TWF2: variants seen among roughly 807,000 people sequenced by gnomAD.
TWF2 encodes the protein twinfilin-2.
A neutral mutation model predicts 45.1 loss-of-function variants in TWF2; 15 were observed. That is an observed-to-expected ratio of 0.33 (90% CI 0.22 to 0.51). TWF2 has a LOEUF of 0.51. Among genes scored for constraint, TWF2 ranks in the 20% least tolerant of loss-of-function variants. The probability of loss-of-function intolerance (pLI) is 0.97; values close to 1 mark genes in which losing one functional copy is unlikely to be tolerated. For missense variants in TWF2, 423 were observed against 469.1 expected (o/e 0.90, Z 0.91); for synonymous variants, 177 against 195.8 (o/e 0.90, Z 0.80).
intron 2 of TWF2, 28 bp downstream of exon 2, chr3:52,235,001 T>C: frequency 6.2e-7 from 1 of 1,611,796 alleles, no homozygotes; most frequent in South Asian, 1.1e-5. Flanking sequence ...CCCCCAAGCC[T>C]ATACCCTGGC....
intron 1 of TWF2, among the ~76,000 whole-genome samples, chr3:52,235,463 C>T (rs1411512075): frequency 6.6e-6 from 1 of 152,194 alleles, no homozygotes; most frequent in African/African-American, 2.4e-5. Flanking sequence ...CTGGCCTGGA[C>T]ACACTCAGCA....
chr3:52,230,914 C>A lies in TWF2; in HGVS notation c.565G>T (p.Ala189Ser). 1 of 1,608,416 alleles carries A rather than the reference C, an allele frequency of 6.2e-7. No homozygotes were observed. Among genetic ancestry groups the A allele is most frequent in the South Asian group, 1.1e-5 (1 of 90,324 alleles). The change falls in exon 6 of 9, where the codon GCA becomes TCA. Residue 189 changes from alanine to serine, a missense_variant. Physicochemically the swap from Ala to Ser is moderately conservative, Grantham distance 99. Coordinates refer to ENST00000305533, the MANE Select transcript of TWF2 (RefSeq NM_007284.4). ...ATTTTCTGCTTGAGCTGCTGGAGTG[C>A]CCGCTGGGCCTCAGGCTGCAGGGGG... ...AFPLQPEAQR[A>S]LQQLKQKMVN...
rs374922294 is a variant in TWF2 at position 52,229,818 on chromosome 3, A to G, written c.761-36T>C. 5.0e-5 allele frequency: 80 copies of G among 1,602,594 alleles called. No homozygotes were observed. In the African/African-American group the frequency reaches 9.9e-4, roughly 20 times the overall value. The stretch of plus-strand genomic sequence containing the variant: ...GCAGGAGGTGAGCCTGGGAGGCCTG[A>G]GAAACCTGCTGACCTTCGCACCCAG... On this transcript the variant is annotated intron_variant, in intron 7 of 8. Coordinates refer to ENST00000305533, the MANE Select transcript of TWF2 (RefSeq NM_007284.4).
At position 52,230,982 on chromosome 3, in the gene TWF2, ATC is replaced by A; in HGVS notation, c.495_496del (p.Glu165AspfsTer20). 2 of 1,605,676 alleles carry A rather than the reference ATC, an allele frequency of 1.2e-6. No homozygotes were observed. Among genetic ancestry groups the A allele is most frequent in the Non-Finnish European group, 1.7e-6 (2 of 1,176,272 alleles). On this transcript the variant is annotated frameshift_variant, in exon 6 of 9. Transcript: ENST00000305533. LOFTEE classifies it high-confidence loss of function. Reference sequence around the variant, plus strand: ...GGTCTGGTGCTTGCTTTCCACACTGATCTCTGTCTTCACCTGTGGGTAGGGGA... The same window carrying A: ...GGTCTGGTGCTTGCTTTCCACACTGATCTGTCTTCACCTGTGGGTAGGGGA...
chr3:52,235,138 G>A, intron 1 of TWF2, 32 bp from the exon 2 acceptor site: 5 of 1,607,620 alleles, frequency 3.1e-6, no homozygotes, highest in Non-Finnish European at 1.7e-6. Context: ...TGGGGGATGA[G>A]TGGGCAGAGT....
chr3:52,228,736 A>C lies in TWF2; in HGVS notation c.*298T>G. On this transcript the variant is annotated 3_prime_UTR_variant, in exon 9 of 9. Coordinates refer to ENST00000305533, the MANE Select transcript of TWF2 (RefSeq NM_007284.4). ...CCAAAGGTTTCTGGGCTGTGCTGGG[A>C]CCCTAGTCTCAGCTCCCCGGGAGGC... 1 of 441,576 alleles carries C rather than the reference A, an allele frequency of 2.3e-6. No homozygotes were observed. The highest frequency in any genetic ancestry group is 4.1e-6 in the Non-Finnish European group (1 of 245,132). The allele number at this position is 441,576 out of a possible 1,614,324, so 27.4% of individuals were successfully genotyped here.
At chr3:52,231,675 GCAGCAGGTGGCCCCCAC>G in intron 3 of TWF2, 136 bp from the exon 4 acceptor site, 2 of 1,052,766 alleles carry the variant, frequency 1.9e-6, no homozygotes, top group Non-Finnish European at 2.7e-6. Context: ...GGGCCAGGAC[GCAGCAGGTGGCCCCCAC>G]CAGCAGGGGG....
At chr3:52,238,899 T>C (rs1426307344) in intron 1 of TWF2, 93 bp downstream of exon 1, 1 of 1,333,998 alleles carries the variant, frequency 7.5e-7, no homozygotes, top group Non-Finnish European at 9.8e-7. Flanking sequence ...TTCTCCCGGC[T>C]GGTGTGGGGT....
intron 6 of TWF2, among the ~76,000 whole-genome samples, chr3:52,230,311 T>C (rs1309777773): frequency 6.6e-6 from 1 of 152,106 alleles, no homozygotes; most frequent in African/African-American, 2.4e-5. Context: ...CCACCAAGGG[T>C]AGTCAACGGT....
At position 52,228,928 on chromosome 3, in the gene TWF2, T is replaced by G; in HGVS notation, c.*106A>C. 2 of 1,505,690 alleles carry G rather than the reference T, an allele frequency of 1.3e-6. No individual in the cohort carries two copies. Among genetic ancestry groups the G allele is most frequent in the Non-Finnish European group, 1.8e-6 (2 of 1,124,242 alleles). 93.3% of individuals were successfully genotyped at this position (1,505,690 alleles called of 1,614,324 possible). ...AAGTGCGTTCAGCTGCCAGCCCTCC[T>G]GACCTCCCAGAAACACTTTCCTGGA... is the stretch of plus-strand genomic sequence containing the variant. On this transcript the variant is annotated 3_prime_UTR_variant, in exon 9 of 9. Transcript: ENST00000305533.
chr3:52,235,910 T>C (rs190841930), intron 1 of TWF2, among the ~76,000 whole-genome samples: 1 of 152,262 alleles, frequency 6.6e-6, no homozygotes, highest in Non-Finnish European at 1.5e-5. Flanking sequence ...CCAGCCCAGA[T>C]ACAGCCCTGT....
rs1699685346 is a variant in TWF2 at position 52,232,199 on chromosome 3, G to A, written c.104-77C>T. ...CGCTGCAGACCTCCAGCCTCGCCGTGGCTGCCCAGCTGGCTCAGAGCCGCC... is the reference window on the plus strand; with the variant it reads ...CGCTGCAGACCTCCAGCCTCGCCGTAGCTGCCCAGCTGGCTCAGAGCCGCC... On this transcript the variant is annotated intron_variant, in intron 2 of 8. Transcript: ENST00000305533. The A allele has an allele frequency of 1.3e-5, 18 of 1,437,762 alleles. 1 individual carries two copies. Among genetic ancestry groups the A allele is most frequent in the Middle Eastern group, 5.0e-4 (2 of 4,014 alleles). The allele number at this position is 1,437,762 out of a possible 1,614,324, so 89.1% of individuals were successfully genotyped here. A position where few individuals can be genotyped will look rare whatever the true frequency, so the allele number is the denominator to read the frequency against.
rs142016683 is a variant in TWF2, at chr3:52,229,064, G to A, written c.1020C>T (p.Arg340=). ...TGTCATCCCCATTTTCACCCGGGCC[G>A]CGGATGAGGCGCTTATGGCCCCGCT... ...GGKRGHKRLI[R]GPGENGDDS is the part of the protein sequence containing the mutation. The change falls in exon 9 of 9, where the codon CGC becomes CGT. Residue 340 remains arginine, a synonymous_variant. Transcript: ENST00000305533. 1.4e-5 allele frequency: 23 copies of A among 1,612,364 alleles called. No homozygotes were observed. In the East Asian group the frequency reaches 1.6e-4, roughly 11 times the overall value.
intron 1 of TWF2, among the ~76,000 whole-genome samples, chr3:52,238,291 A>G: frequency 6.6e-6 from 1 of 152,228 alleles, no homozygotes; most frequent in African/African-American, 2.4e-5. Flanking sequence ...GGGAGGTCAG[A>G]GGTCAAGGTC....
chr3:52,237,487 TA>T (rs1055014990), intron 1 of TWF2, among the ~76,000 whole-genome samples: 8 of 152,082 alleles, frequency 5.3e-5, no homozygotes, highest in South Asian at 2.1e-4. Context: ...GAAGGAGGGC[TA>T]GGGGCAGCCC....
Position 52,228,894 on chromosome 3 carries a change from G to A in TWF2, c.*140C>T, listed in dbSNP as rs916902622. On this transcript the variant is annotated 3_prime_UTR_variant, in exon 9 of 9. Transcript: ENST00000305533. ...ACAAAATGCCAGCCCGGTGGCCCTC[G>A]GACGCTGCAAGTGCGTTCAGCTGCC... 43 of 1,310,130 alleles carry A rather than the reference G, an allele frequency of 3.3e-5. No homozygotes were observed. The Admixed American group carries it at 3.8e-4, about 12-fold the overall frequency. 81.2% of individuals were successfully genotyped at this position (1,310,130 alleles called of 1,614,324 possible).
chr3:52,232,357 C>G (rs1699686758), intron 2 of TWF2: 1 of 572,354 alleles, frequency 1.7e-6, no homozygotes, highest in South Asian at 2.1e-5. Context: ...CGCGTGCACA[C>G]ACCCCCCCAC....
At position 52,228,929 on chromosome 3, in the gene TWF2, G is replaced by A. The variant is rs1577983728; in HGVS notation, c.*105C>T. The A allele has an allele frequency of 6.6e-7, 1 of 1,505,410 alleles. No homozygotes were observed. Among genetic ancestry groups the A allele is most frequent in the East Asian group, 2.3e-5 (1 of 43,366 alleles). The allele number at this position is 1,505,410 out of a possible 1,614,324, so 93.3% of individuals were successfully genotyped here. On this transcript the variant is annotated 3_prime_UTR_variant, in exon 9 of 9. Coordinates refer to ENST00000305533, the MANE Select transcript of TWF2 (RefSeq NM_007284.4). Reference sequence around the variant, plus strand: ...AGTGCGTTCAGCTGCCAGCCCTCCTGACCTCCCAGAAACACTTTCCTGGAG... The same window carrying A: ...AGTGCGTTCAGCTGCCAGCCCTCCTAACCTCCCAGAAACACTTTCCTGGAG...
At position 52,239,104 on chromosome 3, in the gene TWF2, A is replaced by ATGTGGCGGAGGC. The variant is rs542412879; in HGVS notation, c.-100_-89dup. On this transcript the variant is annotated 5_prime_UTR_variant, in exon 1 of 9. Coordinates refer to ENST00000305533, the MANE Select transcript of TWF2 (RefSeq NM_007284.4). ...CTCGCTGGACCAAGAGAGGTGGAGGATGTGGCGGAGGCTGTCGACCCTCGC... is the reference window on the plus strand; with the variant it reads ...CTCGCTGGACCAAGAGAGGTGGAGGATGTGGCGGAGGCTGTGGCGGAGGCTGTCGACCCTCGC... 30,826 of 1,492,034 alleles carry ATGTGGCGGAGGC rather than the reference A, an allele frequency of 0.021. 408 individuals carry two copies. The highest frequency in any genetic ancestry group is 0.024 in the Non-Finnish European group (27,125 of 1,117,168). 92.4% of individuals were successfully genotyped at this position (1,492,034 alleles called of 1,614,324 possible). A position where few individuals can be genotyped will look rare whatever the true frequency, so the allele number is the denominator to read the frequency against.
Sources: gnomAD v4.1 joint callset for allele counts (sites outside exome capture counted in the v4.1 genomes callset) on GRCh38, gnomAD v4.1.1 for gene constraint, MANE v1.5 for transcripts, NCBI Gene and HGNC (gene_info 2026-07-23, HGNC 2026-07-21) for gene names.